Variants in HIKESHI observed in about 807,000 individuals in gnomAD.
HIKESHI encodes the protein heat shock protein nuclear import factor hikeshi.
Under a neutral mutation model 25.7 loss-of-function variants are expected in HIKESHI, and 13 were observed. The observed-to-expected ratio is 0.51, with a 90% CI of 0.33 to 0.80. HIKESHI has a LOEUF of 0.80. HIKESHI is among the 30% of genes least tolerant of loss of function. HIKESHI has a pLI of 0.02. For missense variants in HIKESHI, 174 were observed against 229.5 expected, an observed-to-expected ratio of 0.76 and a Z score of 1.56; for synonymous variants, 76 against 78.7, an observed-to-expected ratio of 0.97 and a Z score of 0.18.
At chr11:86,310,870 AT>A (rs1334548346) in intron 2 of HIKESHI, among the ~76,000 whole-genome samples, 1 of 152,058 alleles carries the variant, frequency 6.6e-6, no homozygotes, top group Non-Finnish European at 1.5e-5. Flanking sequence ...ACATTTATTG[AT>A]TTGTGTATGT....
At chr11:86,315,681 T>C (rs1320473020) in intron 2 of HIKESHI, among the ~76,000 whole-genome samples, 1 of 38,224 alleles carries the variant, frequency 2.6e-5, no homozygotes, top group Non-Finnish European at 4.5e-5. Context: ...CAGATGAAGA[T>C]GAAGACCATT....
intron 2 of HIKESHI, among the ~76,000 whole-genome samples, chr11:86,306,898 G>A (rs999256642): frequency 2.0e-5 from 3 of 151,286 alleles, no homozygotes; most frequent in Non-Finnish European, 2.9e-5. Flanking sequence ...TACTCGGGAG[G>A]CTGAGGCAGG....
chr11:86,319,242 A>ATT (rs1218981419), intron 2 of HIKESHI, among the ~76,000 whole-genome samples: 18,576 of 94,572 alleles, frequency 0.2, 2,459 homozygotes, highest in Non-Finnish European at 0.25. Context: ...ATATATATAT[A>ATT]TTTTTTTTTT....
At chr11:86,335,618 G>T (rs1389517891) in intron 2 of HIKESHI, among the ~76,000 whole-genome samples, 7 of 152,216 alleles carry the variant, frequency 4.6e-5, no homozygotes, top group Admixed American at 4.6e-4. Context: ...GAGCCCATCT[G>T]CAAAGACTGG....
intron 2 of HIKESHI, among the ~76,000 whole-genome samples, chr11:86,318,709 T>C (rs1947065321): frequency 2.0e-5 from 3 of 152,212 alleles, no homozygotes; most frequent in Admixed American, 2.0e-4. Flanking sequence ...AGTGGAATAT[T>C]GAACCCCATT....
At chr11:86,323,753 C>G (rs763527298) in intron 2 of HIKESHI, among the ~76,000 whole-genome samples, 2 of 152,184 alleles carry the variant, frequency 1.3e-5, no homozygotes, top group African/African-American at 4.8e-5. Context: ...AGAACACAGA[C>G]ATTTCCTTAT....
chr11:86,313,249 G>T (rs1946881772), intron 2 of HIKESHI, among the ~76,000 whole-genome samples: 1 of 151,966 alleles, frequency 6.6e-6, no homozygotes, highest in Non-Finnish European at 1.5e-5. Context: ...ATTTATTTTT[G>T]AGATGGAGTT....
intron 3 of HIKESHI, chr11:86,344,113 G>A (rs1947804823): frequency 1.3e-5 from 2 of 152,354 alleles, no homozygotes; most frequent in East Asian, 1.9e-4. Flanking sequence ...TATCTTTCTG[G>A]CAGGTAAAAG....
At chr11:86,337,648 A>G in intron 3 of HIKESHI, 118 bp downstream of exon 3, 1 of 1,164,830 alleles carries the variant, frequency 8.6e-7, no homozygotes, top group Non-Finnish European at 1.2e-6. Flanking sequence ...ACATGTTTAC[A>G]TTTTGTTTTG....
chr11:86,333,305 A>G (rs1160633875), intron 2 of HIKESHI, among the ~76,000 whole-genome samples: 1 of 152,040 alleles, frequency 6.6e-6, no homozygotes, highest in Non-Finnish European at 1.5e-5. Context: ...GGAGGCCGAG[A>G]TGGGTGGATC....
chr11:86,345,067 A>G (rs1047818012), intron 4 of HIKESHI: 9 of 1,042,996 alleles, frequency 8.6e-6, no homozygotes, highest in Non-Finnish European at 1.1e-5. Flanking sequence ...TAATGAATCT[A>G]TTTTCCAACT....
Position 86,345,668 on chromosome 11 carries a change from GA to G in HIKESHI, c.*33del, listed in dbSNP as rs1466464674. On this transcript the variant is annotated 3_prime_UTR_variant, in exon 5 of 5. Coordinates refer to ENST00000278483, the MANE Select transcript of HIKESHI (RefSeq NM_016401.4). ...AATAAAATAATTTTTAATGGATTCT[GA>G]AATTTGTCATGTTTTGAAGATAACT... The G allele has an allele frequency of 7.3e-7, 1 of 1,365,332 alleles. No homozygotes were observed. The highest frequency in any genetic ancestry group is 1.9e-5 in the Admixed American group (1 of 51,576). The allele number at this position is 1,365,332 out of a possible 1,614,324, so 84.6% of individuals were successfully genotyped here.
At chr11:86,310,109 A>G (rs1339754416) in intron 2 of HIKESHI, among the ~76,000 whole-genome samples, 1 of 147,628 alleles carries the variant, frequency 6.8e-6, no homozygotes, top group Non-Finnish European at 1.5e-5. Flanking sequence ...GAAGAAAGTC[A>G]TTGGTAGCTT....
chr11:86,304,958 C>A (rs1946584196), intron 1 of HIKESHI, among the ~76,000 whole-genome samples: 1 of 152,108 alleles, frequency 6.6e-6, no homozygotes, highest in Non-Finnish European at 1.5e-5. Context: ...AGGAGGATTG[C>A]CTAATTACTT....
chr11:86,310,341 GTTCACTCATGAT>G (rs1946800800), intron 2 of HIKESHI, among the ~76,000 whole-genome samples: 1 of 151,944 alleles, frequency 6.6e-6, no homozygotes, highest in Admixed American at 6.6e-5. Context: ...GTGAATGGGA[GTTCACTCATGAT>G]TTGGCTCTCT....
In HIKESHI at chr11:86,337,429, T is replaced by A. The variant is rs777945437; in HGVS notation, c.319T>A (p.Ser107Thr). ...AGCCATGAATATTGTCCGAACTCCA[T>A]CTGTTGCTCAGATTGGAATTTCAGT... ...FGAMNIVRTP[S>T]VAQIGISVEL... Residue 107 changes from serine (S) to threonine (T), a missense_variant, in exon 3 of 5, where the codon TCT (serine) becomes ACT (threonine). Ser to Thr is a moderately conservative substitution (Grantham distance 58, BLOSUM62 1). Coordinates refer to ENST00000278483, the MANE Select transcript of HIKESHI (RefSeq NM_016401.4). 6 of 1,613,954 alleles carry A rather than the reference T, an allele frequency of 3.7e-6. No homozygotes were observed. Among genetic ancestry groups the A allele is most frequent in the Admixed American group, 1.7e-5 (1 of 59,988 alleles).
intron 2 of HIKESHI, among the ~76,000 whole-genome samples, chr11:86,312,171 C>G (rs1018732767): frequency 6.6e-6 from 1 of 152,104 alleles, no homozygotes; most frequent in Admixed American, 6.6e-5. Context: ...GTTAAAGTCT[C>G]CCATTATCAT....
At chr11:86,325,355 G>A (rs1421640474) in intron 2 of HIKESHI, among the ~76,000 whole-genome samples, 2 of 152,088 alleles carry the variant, frequency 1.3e-5, no homozygotes, top group South Asian at 2.1e-4. Context: ...CAGTTACTGT[G>A]AGTTTTGTTT....
chr11:86,306,433 C>G lies in HIKESHI; in HGVS notation c.219C>G (p.Val73=), dbSNP rs1379396780. The G allele has an allele frequency of 1.2e-6, 2 of 1,613,724 alleles. No individual in the cohort carries two copies. Among genetic ancestry groups the G allele is most frequent in the Non-Finnish European group, 8.5e-7 (1 of 1,179,698 alleles). The change falls in exon 2 of 5, where the codon GTC becomes GTG. Residue 73 remains valine (V), a synonymous_variant. Coordinates refer to ENST00000278483, the MANE Select transcript of HIKESHI (RefSeq NM_016401.4). ...CAGTATGGCAACTCCTAGGATTTGT[C>G]ACGAATGGGAAGCCAAGTGCCATCT... is the stretch of plus-strand genomic sequence containing the variant. The part of the protein sequence containing the change: ...GMPVWQLLGF[V]TNGKPSAIFK...
Sources: gnomAD v4.1 joint callset for allele counts (sites outside exome capture counted in the v4.1 genomes callset) on GRCh38, gnomAD v4.1.1 for gene constraint, MANE v1.5 for transcripts, NCBI Gene and HGNC (gene_info 2026-07-23, HGNC 2026-07-21) for gene names.